The following SFRP1 variants were observed in gnomAD, a reference collection of about 807,000 sequenced individuals.
SFRP1 encodes secreted frizzled-related protein 1.
A neutral mutation model predicts 25.9 loss-of-function variants in SFRP1; 9 were observed. The observed-to-expected ratio is 0.35, with a 90% CI of 0.21 to 0.61. SFRP1 has a LOEUF of 0.61. Ranked by LOEUF, SFRP1 falls within the 20% of genes least tolerant of loss-of-function variation. The probability of loss-of-function intolerance (pLI) is 0.78; values close to 1 mark genes in which losing one functional copy is unlikely to be tolerated. For synonymous variants in SFRP1, 178 were observed against 174.0 expected (o/e 1.02, Z -0.18); for missense variants, 346 against 418.2 (o/e 0.83, Z 1.51).
intron 2 of SFRP1, among the ~76,000 whole-genome samples, chr8:41,289,567 G>A (rs558502390): frequency 1.4e-4 from 22 of 152,232 alleles, no homozygotes; most frequent in East Asian, 3.9e-4. Context: ...AAGGCTACAC[G>A]TGTTCTTTCC....
chr8:41,292,643 G>A (rs1168311679), intron 2 of SFRP1, among the ~76,000 whole-genome samples: 3 of 151,974 alleles, frequency 2.0e-5, no homozygotes, highest in Non-Finnish European at 4.4e-5. Context: ...CCAGGCCCTG[G>A]GAAGAAATGA....
rs570141489 is a variant in SFRP1 at position 41,279,700 on chromosome 8, G to C, written c.623-14211C>G. On this transcript the variant is annotated intron_variant, in intron 2 of 2. Transcript: ENST00000220772. ...CCCCTTTCCCTCCAAGAGCTTTCTAGGTATAAAGGGATTTAGAGAGGGAAG... is the reference window on the plus strand; with the variant it reads ...CCCCTTTCCCTCCAAGAGCTTTCTACGTATAAAGGGATTTAGAGAGGGAAG... Among the ~76,000 whole-genome samples the C allele has an allele frequency of 4.0e-5, 6 of 151,288 alleles. No individual in the cohort carries two copies. In the South Asian group the frequency reaches 1.3e-3, roughly 32 times the overall value.
intron 2 of SFRP1, among the ~76,000 whole-genome samples, chr8:41,287,665 A>G (rs1027847633): frequency 6.6e-6 from 1 of 152,244 alleles, no homozygotes; most frequent in Non-Finnish European, 1.5e-5. Context: ...GAGGGAATAG[A>G]TTCGTGTGTA....
At chr8:41,275,555 T>C (rs944586934) in intron 2 of SFRP1, among the ~76,000 whole-genome samples, 1 of 151,590 alleles carries the variant, frequency 6.6e-6, no homozygotes, top group African/African-American at 2.4e-5. Flanking sequence ...CAGGCTGGAG[T>C]GCAGTGGCGG....
At chr8:41,270,273 G>A (rs1212605781) in intron 2 of SFRP1, among the ~76,000 whole-genome samples, 1 of 152,168 alleles carries the variant, frequency 6.6e-6, no homozygotes, top group Non-Finnish European at 1.5e-5. Context: ...CACTCTTCTT[G>A]AAGTCAGTTT....
chr8:41,276,595 T>G (rs896260605), intron 2 of SFRP1, among the ~76,000 whole-genome samples: 17 of 152,196 alleles, frequency 1.1e-4, no homozygotes, highest in Non-Finnish European at 1.5e-4. Context: ...TGCTGCATAC[T>G]TGGATGCATT....
chr8:41,292,341 A>T lies in SFRP1; in HGVS notation c.622+11120T>A, dbSNP rs969337112. 3.3e-5 allele frequency among the ~76,000 whole-genome samples: 5 copies of T among 152,274 alleles called. No individual in the cohort carries two copies. In the East Asian group the frequency reaches 9.7e-4, roughly 29 times the overall value. ...GAGAGACCTGGTGGGAGGTGACTGG[A>T]CCATAGAGGCAGTTTCCCCCATGCT... is the stretch of plus-strand genomic sequence containing the variant. On this transcript the variant is annotated intron_variant, in intron 2 of 2. Coordinates refer to ENST00000220772, the MANE Select transcript of SFRP1 (RefSeq NM_003012.5).
chr8:41,295,101 G>A (rs371271048), intron 2 of SFRP1, among the ~76,000 whole-genome samples: 7 of 152,322 alleles, frequency 4.6e-5, no homozygotes, highest in African/African-American at 9.6e-5. Flanking sequence ...AGTGGCTCAC[G>A]CCTGGAATCT....
At chr8:41,297,922 T>C (rs1803864442) in intron 2 of SFRP1, among the ~76,000 whole-genome samples, 1 of 152,176 alleles carries the variant, frequency 6.6e-6, no homozygotes, top group Non-Finnish European at 1.5e-5. Flanking sequence ...ACTACCTTCC[T>C]GCTTGATGGG....
chr8:41,272,772 G>A (rs1337475955), intron 2 of SFRP1, among the ~76,000 whole-genome samples: 1 of 152,052 alleles, frequency 6.6e-6, no homozygotes, highest in African/African-American at 2.4e-5. Flanking sequence ...TAGCAAGAGA[G>A]AACAAGAAAA....
chr8:41,307,195 C>T (rs757462956), intron 1 of SFRP1, among the ~76,000 whole-genome samples: 15 of 152,218 alleles, frequency 9.9e-5, no homozygotes, highest in Non-Finnish European at 2.2e-4. Context: ...TCAGTTCTCG[C>T]TCACAAAGTG....
chr8:41,289,823 T>C (rs1010985672), intron 2 of SFRP1, among the ~76,000 whole-genome samples: 1 of 152,242 alleles, frequency 6.6e-6, no homozygotes, highest in Non-Finnish European at 1.5e-5. Context: ...ATGGCATCAA[T>C]GCAGAGAAAT....
chr8:41,295,745 T>TA (rs549704760), intron 2 of SFRP1, among the ~76,000 whole-genome samples: 1 of 78,712 alleles, frequency 1.3e-5, no homozygotes, highest in Non-Finnish European at 3.0e-5. Context: ...ATCTGCAGCA[T>TA]TTTTTTTTTT....
At chr8:41,276,357 C>T (rs866837375) in intron 2 of SFRP1, among the ~76,000 whole-genome samples, 1 of 152,198 alleles carries the variant, frequency 6.6e-6, no homozygotes, top group Non-Finnish European at 1.5e-5. Flanking sequence ...TGCAAGCAAC[C>T]ACAACCTCCT....
chr8:41,309,297 C>G lies in SFRP1; in HGVS notation c.-138G>C, dbSNP rs1195013400. 1 of 1,051,870 alleles carries G rather than the reference C, an allele frequency of 9.5e-7. No individual in the cohort carries two copies. The highest frequency in any genetic ancestry group is 1.2e-6 in the Non-Finnish European group (1 of 834,598). The allele number at this position is 1,051,870 out of a possible 1,614,324, so 65.2% of individuals were successfully genotyped here. On this transcript the variant is annotated 5_prime_UTR_variant, in exon 1 of 3. Coordinates refer to ENST00000220772, the MANE Select transcript of SFRP1 (RefSeq NM_003012.5). ...CGTTGCCCGGCTCCGCGGCCGCAAG[C>G]TGCTGCCCGGTCCCCCCGGCCAGTG...
intron 2 of SFRP1, chr8:41,275,311 AT>A: frequency 3.1e-6 from 1 of 322,968 alleles, no homozygotes; most frequent in South Asian, 2.1e-5. Flanking sequence ...AGTTGGATCC[AT>A]TTTTTCCAAA....
intron 2 of SFRP1, among the ~76,000 whole-genome samples, chr8:41,269,496 T>C (rs528089085): frequency 1.3e-5 from 2 of 152,316 alleles, no homozygotes; most frequent in African/African-American, 2.4e-5. Flanking sequence ...CAAACCATTT[T>C]TGCTCACAAA....
At chr8:41,272,626 A>AT (rs1393338613) in intron 2 of SFRP1, among the ~76,000 whole-genome samples, 1 of 152,202 alleles carries the variant, frequency 6.6e-6, no homozygotes, top group Non-Finnish European at 1.5e-5. Flanking sequence ...TTTCAAGAAT[A>AT]TTTTTTAAAT....
At chr8:41,277,171 C>A (rs1182045510) in intron 2 of SFRP1, among the ~76,000 whole-genome samples, 2 of 152,174 alleles carry the variant, frequency 1.3e-5, no homozygotes, top group African/African-American at 4.8e-5. Flanking sequence ...AGAACTGTGG[C>A]CCCTCCCCTT....
Sources: allele counts gnomAD v4.1 joint callset (sites outside exome capture counted in the v4.1 genomes callset), GRCh38; gene constraint gnomAD v4.1.1; transcripts MANE v1.5; gene names NCBI Gene and HGNC (gene_info 2026-07-23, HGNC 2026-07-21).